NFIX: variants seen among roughly 807,000 people sequenced by gnomAD.
NFIX encodes nuclear factor I X.
In NFIX, 2 loss-of-function variants were observed where a neutral mutation model predicts 53.3. That is an observed-to-expected ratio of 0.04 (90% CI 0.02 to 0.12). The LOEUF is 0.12. Among genes scored for constraint, NFIX ranks in the 10% least tolerant of loss-of-function variants. NFIX has a pLI of 1.00. For missense variants in NFIX, 310 were observed against 674.5 expected (o/e 0.46, Z 5.99); for synonymous variants, 244 against 289.0 (o/e 0.84, Z 1.58).
intron 7 of NFIX, among the ~76,000 whole-genome samples, chr19:13,080,043 C>T (rs905527635): frequency 1.3e-5 from 2 of 152,206 alleles, no homozygotes; most frequent in Non-Finnish European, 2.9e-5. Context: ...TCCAGAGCCC[C>T]AGGGAACCCT....
Position 13,036,727 on chromosome 19 carries a change from TA to T in NFIX, c.559+11177del, listed in dbSNP as rs2014224688. On this transcript the variant is annotated intron_variant, in intron 2 of 10. Transcript: ENST00000592199. This position sits in a 1 kb window ranked among gnomAD's most constrained non-coding sequence, Gnocchi z 4.7. Reference sequence around the variant, plus strand: ...TGGCCCAGAATACAGACAGGGGGTGTAATAAGTGTATATCCTCTGGCTATAA... The same window carrying T: ...TGGCCCAGAATACAGACAGGGGGTGTATAAGTGTATATCCTCTGGCTATAA... Among the ~76,000 whole-genome samples the T allele has an allele frequency of 2.0e-5, 3 of 152,182 alleles. No individual in the cohort carries two copies. Among genetic ancestry groups the T allele is most frequent in the African/African-American group, 4.8e-5 (2 of 41,508 alleles).
intron 2 of NFIX, among the ~76,000 whole-genome samples, chr19:13,031,883 A>G (rs976938283): frequency 3.3e-5 from 5 of 152,106 alleles, no homozygotes; most frequent in Admixed American, 1.3e-4. Flanking sequence ...CTGGGCAGAG[A>G]GGGGACAGCT....
chr19:12,997,117 C>T (rs1021703664), intron 1 of NFIX, among the ~76,000 whole-genome samples: 1 of 152,264 alleles, frequency 6.6e-6, no homozygotes, highest in African/African-American at 2.4e-5. Context: ...AGCCATGTGC[C>T]AAGTGTGTCC....
Position 13,066,752 on chromosome 19 carries a change from T to TGCACATGTGTGTGTGCACATGC in NFIX, c.560-6294_560-6273dup, listed in dbSNP as rs2016430097. On this transcript the variant is annotated intron_variant, in intron 2 of 10. Transcript: ENST00000592199. The surrounding 1 kb of genome is among the most constrained non-coding windows in gnomAD (Gnocchi z 4.2). The stretch of plus-strand genomic sequence containing the variant: ...GTGTGTGCATGTGTGTGTGTGTTTG[T>TGCACATGTGTGTGTGCACATGC]GCACATGTGTGTGTGCACATGCATG... Among the ~76,000 whole-genome samples the TGCACATGTGTGTGTGCACATGC allele has an allele frequency of 6.6e-6, 1 of 152,070 alleles. No homozygotes were observed. Among genetic ancestry groups the TGCACATGTGTGTGTGCACATGC allele is most frequent in the African/African-American group, 2.4e-5 (1 of 41,398 alleles).
In NFIX at chr19:13,060,876, A is replaced by AT. The variant is rs918708645; in HGVS notation, c.560-12161dup. 9.3e-5 allele frequency among the ~76,000 whole-genome samples: 14 copies of AT among 149,986 alleles called. No individual in the cohort carries two copies. The highest frequency in any genetic ancestry group is 2.0e-4 in the Admixed American group (3 of 15,096). On this transcript the variant is annotated intron_variant, in intron 2 of 10. Coordinates refer to ENST00000592199, the MANE Select transcript of NFIX (RefSeq NM_001365902.3). The surrounding 1 kb of genome is among the most constrained non-coding windows in gnomAD (Gnocchi z 4.3). ...GCTGCCGCCACTGCAGAGGGCGCTG[A>AT]TTTTTTTTTTCTTCCTGACTTTTCT...
At chr19:13,024,017 G>A (rs1458305805) in intron 1 of NFIX, 3 of 1,506,834 alleles carry the variant, frequency 2.0e-6, no homozygotes, top group Non-Finnish European at 2.6e-6. Context: ...GGGCTTTGCC[G>A]GGTGCTTCAG....
rs1336700547 is a variant in NFIX, at chr19:13,094,194, CAGAA to C, written c.1495-435_1495-432del. 6.6e-6 allele frequency among the ~76,000 whole-genome samples: 1 copy of C among 152,194 alleles called. No individual in the cohort carries two copies. The highest frequency in any genetic ancestry group is 2.4e-5 in the African/African-American group (1 of 41,444). ...AATTTCTGCTTTTAATCCAAAGAGA[CAGAA>C]AGAAAACTCAGCAAGAAGCTGGGCC... On this transcript the variant is annotated intron_variant, in intron 10 of 10. Transcript: ENST00000592199. This position sits in a 1 kb window ranked among gnomAD's most constrained non-coding sequence, Gnocchi z 4.3.
rs1220984738 is a variant in NFIX, at chr19:13,040,459, G to A, written c.559+14907G>A. On this transcript the variant is annotated intron_variant, in intron 2 of 10. Coordinates refer to ENST00000592199, the MANE Select transcript of NFIX (RefSeq NM_001365902.3). This position sits in a 1 kb window ranked among gnomAD's most constrained non-coding sequence, Gnocchi z 4.2. ...CACGCTAGCCTGGTGGATGCCCTGCGGCAGGGATTGGCAGGGATCAGTCCT... is the reference window on the plus strand; with the variant it reads ...CACGCTAGCCTGGTGGATGCCCTGCAGCAGGGATTGGCAGGGATCAGTCCT... 2.0e-5 allele frequency among the ~76,000 whole-genome samples: 3 copies of A among 152,212 alleles called. No homozygotes were observed. The highest frequency in any genetic ancestry group is 4.4e-5 in the Non-Finnish European group (3 of 68,034).
chr19:13,039,352 T>C (rs2014453937), intron 2 of NFIX, among the ~76,000 whole-genome samples: 1 of 152,084 alleles, frequency 6.6e-6, no homozygotes. Flanking sequence ...CACTGTCTAA[T>C]ATTAGATTTT....
intron 2 of NFIX, among the ~76,000 whole-genome samples, chr19:13,038,204 G>A (rs942035609): frequency 1.3e-5 from 2 of 152,262 alleles, no homozygotes; most frequent in East Asian, 1.9e-4. Context: ...GCCCTGCCAG[G>A]CAGTATGGTA....
At position 13,022,933 on chromosome 19, in the gene NFIX, G is replaced by A. The variant is rs2013025443; in HGVS notation, c.28-2088G>A. ...TCATTAGACGTGAACTTGTCGATTG[G>A]GCAAATTGTTTTTGGTCTCCAACTG... On this transcript the variant is annotated intron_variant, in intron 1 of 10. Transcript: ENST00000592199. The surrounding 1 kb of genome is among the most constrained non-coding windows in gnomAD (Gnocchi z 4.5). Among the ~76,000 whole-genome samples, 1 of 152,032 alleles carries A rather than the reference G, an allele frequency of 6.6e-6. No individual in the cohort carries two copies. Among genetic ancestry groups the A allele is most frequent in the African/African-American group, 2.4e-5 (1 of 41,374 alleles).
intron 2 of NFIX, among the ~76,000 whole-genome samples, chr19:13,055,715 G>C (rs960476452): frequency 7.9e-5 from 12 of 152,178 alleles, no homozygotes; most frequent in African/African-American, 2.7e-4. Flanking sequence ...TTTTGGGAGT[G>C]TCGCGTGAGG....
chr19:13,082,153 A>T, intron 8 of NFIX: 1 of 393,882 alleles, frequency 2.5e-6, no homozygotes, highest in Non-Finnish European at 4.6e-6. Flanking sequence ...TGAACTCATG[A>T]TGATCCAACC....
rs2011470912 is a variant in NFIX at position 12,996,498 on chromosome 19, C to A, written c.27+634C>A. ...GAGCGGGGCTAAGAAAATGGCGGGG[C>A]TCCCAAATTTCGGAGGGGCAGGGGA... is the stretch of plus-strand genomic sequence containing the variant. On this transcript the variant is annotated intron_variant, in intron 1 of 10. Transcript: ENST00000592199. This position sits in a 1 kb window ranked among gnomAD's most constrained non-coding sequence, Gnocchi z 5.2. Among the ~76,000 whole-genome samples, 1 of 150,894 alleles carries A rather than the reference C, an allele frequency of 6.6e-6. No individual in the cohort carries two copies. The highest frequency in any genetic ancestry group is 2.1e-4 in the South Asian group (1 of 4,794).
At chr19:12,997,845 G>A (rs544228696) in intron 1 of NFIX, among the ~76,000 whole-genome samples, 14 of 152,364 alleles carry the variant, frequency 9.2e-5, no homozygotes, top group African/African-American at 3.4e-4. Context: ...GAGACCCAGG[G>A]CGATGGCCGG....
rs970373772 is a variant in NFIX, at chr19:13,051,912, G to T, written c.560-21135G>T. Among the ~76,000 whole-genome samples, 1 of 152,114 alleles carries T rather than the reference G, an allele frequency of 6.6e-6. No individual in the cohort carries two copies. Among genetic ancestry groups the T allele is most frequent in the African/African-American group, 2.4e-5 (1 of 41,416 alleles). ...TGCGGGAAGGCACTTCTTAGGCGCCGCCTCCTCCTCACAGCGCCCGCCTTC... is the reference window on the plus strand; with the variant it reads ...TGCGGGAAGGCACTTCTTAGGCGCCTCCTCCTCCTCACAGCGCCCGCCTTC... On this transcript the variant is annotated intron_variant, in intron 2 of 10. Transcript: ENST00000592199. The surrounding 1 kb of genome is among the most constrained non-coding windows in gnomAD (Gnocchi z 5.1).
At position 13,045,070 on chromosome 19, in the gene NFIX, G is replaced by C. The variant is rs905377862; in HGVS notation, c.559+19518G>C. On this transcript the variant is annotated intron_variant, in intron 2 of 10. Coordinates refer to ENST00000592199, the MANE Select transcript of NFIX (RefSeq NM_001365902.3). This position sits in a 1 kb window ranked among gnomAD's most constrained non-coding sequence, Gnocchi z 4.4. Reference sequence around the variant, plus strand: ...CCGGCAGCTCAGATACCTGGGAGCAGCACAGGGCTCAGCACCCTGACCACA... The same window carrying C: ...CCGGCAGCTCAGATACCTGGGAGCACCACAGGGCTCAGCACCCTGACCACA... 1.3e-5 allele frequency among the ~76,000 whole-genome samples: 2 copies of C among 152,202 alleles called. No homozygotes were observed. The highest frequency in any genetic ancestry group is 2.9e-5 in the Non-Finnish European group (2 of 68,022).
At position 13,040,922 on chromosome 19, in the gene NFIX, T is replaced by G. The variant is rs549076373; in HGVS notation, c.559+15370T>G. Reference sequence around the variant, plus strand: ...TCTACCTTAAGACTCTCTAGATAGCTCCTTCCTCCTCTCTCACCTGGTCCT... The same window carrying G: ...TCTACCTTAAGACTCTCTAGATAGCGCCTTCCTCCTCTCTCACCTGGTCCT... On this transcript the variant is annotated intron_variant, in intron 2 of 10. Coordinates refer to ENST00000592199, the MANE Select transcript of NFIX (RefSeq NM_001365902.3). The surrounding 1 kb of genome is among the most constrained non-coding windows in gnomAD (Gnocchi z 4.2). Among the ~76,000 whole-genome samples the G allele has an allele frequency of 1.6e-4, 25 of 152,316 alleles. No homozygotes were observed. In the South Asian group the frequency reaches 4.6e-3, roughly 28 times the overall value.
intron 8 of NFIX, chr19:13,082,086 C>G (rs1041815868): frequency 2.9e-5 from 16 of 558,078 alleles, no homozygotes; most frequent in Admixed American, 6.2e-5. Context: ...GCATCTGGGC[C>G]CCCTTGCTCA....
Sources: gnomAD v4.1 joint callset for allele counts (sites outside exome capture counted in the v4.1 genomes callset) on GRCh38, gnomAD v4.1.1 for gene constraint, Gnocchi (gnomAD v3.1) non-coding constraint, MANE v1.5 for transcripts, NCBI Gene and HGNC (gene_info 2026-07-23, HGNC 2026-07-21) for gene names.